Variants in PDZD2 observed in about 807,000 individuals in gnomAD.
PDZD2 encodes PDZ domain-containing protein 2.
PDZD2 carries 90 observed loss-of-function variants against 220.7 expected under a neutral mutation model. The observed-to-expected ratio is 0.41, with a 90% confidence interval of 0.34 to 0.49. The LOEUF (loss-of-function observed/expected upper bound fraction) is 0.49. Among genes scored for constraint, PDZD2 ranks in the 20% least tolerant of loss-of-function variants. The pLI, the probability that PDZD2 is intolerant of heterozygous loss-of-function variation, is 0.28. For synonymous variants in PDZD2, 1,375 were observed against 1,450.5 expected, an observed-to-expected ratio of 0.95 and a Z score of 1.18; for missense variants, 3,174 against 3,608.5, an observed-to-expected ratio of 0.88 and a Z score of 3.08.
intron 2 of PDZD2, among the ~76,000 whole-genome samples, chr5:31,814,514 G>T (rs772616525): frequency 6.6e-6 from 1 of 152,180 alleles, no homozygotes; most frequent in Non-Finnish European, 1.5e-5. Context: ...TTGGTTGAAA[G>T]AGTTATTATC....
At chr5:31,906,503 C>G (rs549302175) in intron 2 of PDZD2, among the ~76,000 whole-genome samples, 1 of 151,878 alleles carries the variant, frequency 6.6e-6, no homozygotes, top group South Asian at 2.1e-4. Context: ...AGCCACCATG[C>G]GCGGCCTTAG....
At chr5:31,746,799 C>T (rs1358472540) in intron 1 of PDZD2, among the ~76,000 whole-genome samples, 2 of 152,226 alleles carry the variant, frequency 1.3e-5, no homozygotes, top group Non-Finnish European at 2.9e-5. Flanking sequence ...TTTCCTTACC[C>T]ATCACTAGGT....
At chr5:32,093,689 C>G (rs573857804) in intron 21 of PDZD2, among the ~76,000 whole-genome samples, 45 of 152,194 alleles carry the variant, frequency 3.0e-4, no homozygotes, top group Admixed American at 7.9e-4. Flanking sequence ...TTAAGAAAAT[C>G]CTAAGAGGCC....
At position 32,073,697 on chromosome 5, in the gene PDZD2, G is replaced by C. The variant is rs1033725837; in HGVS notation, c.2726-135G>C. ...GGAAGCCATGTTGCCTAGGCCTTGT[G>C]TCCAGTGGCTGAGGCTGTGTGTCTG... On this transcript the variant is annotated intron_variant, in intron 17 of 24. Transcript: ENST00000438447. The C allele has an allele frequency of 1.2e-5, 8 of 695,508 alleles. No homozygotes were observed. The Admixed American group carries it at 1.6e-4, about 14-fold the overall frequency. The allele number at this position is 695,508 out of a possible 1,614,324, so 43.1% of individuals were successfully genotyped here.
intron 1 of PDZD2, among the ~76,000 whole-genome samples, chr5:31,798,379 G>A (rs964543751): frequency 2.6e-5 from 4 of 152,286 alleles, no homozygotes; most frequent in Admixed American, 2.0e-4. Flanking sequence ...GGACGGAGGC[G>A]GGATCTCTCC....
chr5:31,942,528 G>C (rs1034460212), intron 2 of PDZD2, among the ~76,000 whole-genome samples: 2 of 152,130 alleles, frequency 1.3e-5, no homozygotes, highest in African/African-American at 2.4e-5. Context: ...GGCATGCAGT[G>C]GTTCGATCCT....
intron 2 of PDZD2, among the ~76,000 whole-genome samples, chr5:31,888,127 GTT>G (rs1248181327): frequency 6.6e-6 from 1 of 151,898 alleles, no homozygotes; most frequent in Non-Finnish European, 1.5e-5. Flanking sequence ...TTCCTTTCTT[GTT>G]TTGTTTCCTT....
rs775189525 is a variant in PDZD2 at position 32,088,427 on chromosome 5, C to G, written c.4979C>G (p.Pro1660Arg). 5.6e-6 allele frequency: 9 copies of G among 1,614,002 alleles called. No homozygotes were observed. The South Asian group carries it at 9.9e-5, about 18-fold the overall frequency. The change falls in exon 20 of 25, where the codon CCA becomes CGA. Residue 1660 changes from proline (P) to arginine (R), a missense_variant. Around this residue, in one of 4 missense-constraint regions of PDZD2, gnomAD observed 1,861 missense variants for 2,001.0 expected, o/e 0.93. Transcript: ENST00000438447. The surrounding 1 kb of genome is among the most constrained non-coding windows in gnomAD (Gnocchi z 4.6). ...TTGCCAGGCTCATACACTTCAGGCC[C>G]AGACTCTTCCCAGCCATCATCACTC... is the stretch of plus-strand genomic sequence containing the variant. ...ACLPGSYTSG[P>R]DSSQPSSLLE...
intron 1 of PDZD2, among the ~76,000 whole-genome samples, chr5:31,751,486 A>G (rs1432037275): frequency 1.3e-5 from 2 of 152,176 alleles, no homozygotes; most frequent in African/African-American, 2.4e-5. Flanking sequence ...TTGAGGATGG[A>G]TAAGGTGGGG....
rs1751928126 is a variant in PDZD2 at position 31,765,201 on chromosome 5, C to G, written c.-360-33688C>G. 2.0e-5 allele frequency among the ~76,000 whole-genome samples: 3 copies of G among 152,206 alleles called. No individual in the cohort carries two copies. The South Asian group carries it at 6.2e-4, about 31-fold the overall frequency. On this transcript the variant is annotated intron_variant, in intron 1 of 24. Coordinates refer to ENST00000438447, the MANE Select transcript of PDZD2 (RefSeq NM_178140.4). ...CTAGTTATAACCCAGACCTCATCCA[C>G]TGCCACATCAGAGGACCACTGGCAT...
At chr5:31,926,047 C>A (rs985577160) in intron 2 of PDZD2, among the ~76,000 whole-genome samples, 1 of 151,876 alleles carries the variant, frequency 6.6e-6, no homozygotes, top group Non-Finnish European at 1.5e-5. Flanking sequence ...ATAGCAAGAC[C>A]CTGTCTCGAC....
intron 1 of PDZD2, among the ~76,000 whole-genome samples, chr5:31,701,111 G>A (rs536214975): frequency 6.6e-5 from 10 of 152,214 alleles, no homozygotes; most frequent in Non-Finnish European, 1.2e-4. Flanking sequence ...CAGACCCAGT[G>A]CTGAGCACAC....
intron 1 of PDZD2, among the ~76,000 whole-genome samples, chr5:31,665,428 G>A (rs1480891735): frequency 6.6e-6 from 1 of 152,150 alleles, no homozygotes; most frequent in Non-Finnish European, 1.5e-5. Context: ...TGGAGGCAAA[G>A]AAAGGCGATT....
intron 6 of PDZD2, among the ~76,000 whole-genome samples, chr5:32,028,528 T>A (rs771342852): frequency 3.9e-5 from 6 of 152,162 alleles, no homozygotes; most frequent in Non-Finnish European, 8.8e-5. Flanking sequence ...CCCTTGTAGG[T>A]CATAATCCAA....
chr5:31,653,430 G>A (rs985508019), intron 1 of PDZD2, among the ~76,000 whole-genome samples: 2 of 152,070 alleles, frequency 1.3e-5, no homozygotes, highest in South Asian at 2.1e-4. Context: ...TGGGTTATAC[G>A]TCAGGTCCTA....
chr5:32,067,375 A>T (rs866755006), intron 14 of PDZD2, among the ~76,000 whole-genome samples: 75 of 152,086 alleles, frequency 4.9e-4, no homozygotes, highest in African/African-American at 1.8e-3. Flanking sequence ...AACAGCAACC[A>T]CTCTTTAAGC....
At chr5:31,645,762 A>G (rs1745111326) in intron 1 of PDZD2, among the ~76,000 whole-genome samples, 1 of 152,088 alleles carries the variant, frequency 6.6e-6, no homozygotes, top group Non-Finnish European at 1.5e-5. Context: ...CTGCTTGGCT[A>G]AAAATAAAGG....
At position 31,639,542 on chromosome 5, in the gene PDZD2, T is replaced by G. The variant is rs189700; in HGVS notation, c.-361+105T>G. On this transcript the variant is annotated intron_variant, in intron 1 of 24. Coordinates refer to ENST00000438447, the MANE Select transcript of PDZD2 (RefSeq NM_178140.4). This position sits in a 1 kb window ranked among gnomAD's most constrained non-coding sequence, Gnocchi z 4.1. ...CCGTGTGTGCCCAGGAAAGTTTAGC[T>G]ACAAATCCGGGTGCGGGAATCCCAG... is the stretch of plus-strand genomic sequence containing the variant. 11,834 of 151,550 alleles carry G rather than the reference T, an allele frequency of 0.078. 749 individuals are homozygous for G. Among genetic ancestry groups the G allele is most frequent in the East Asian group, 0.27 (1,366 of 5,046 alleles). The allele number at this position is 151,550 out of a possible 1,614,324, so 9.4% of individuals were successfully genotyped here.
chr5:32,052,172 G>A (rs1381704376), intron 8 of PDZD2, among the ~76,000 whole-genome samples: 1 of 152,210 alleles, frequency 6.6e-6, no homozygotes. Flanking sequence ...TTGAGACGGA[G>A]TCTCACTCTG....
Sources: allele counts gnomAD v4.1 joint callset (sites outside exome capture counted in the v4.1 genomes callset), GRCh38; gene constraint gnomAD v4.1.1; regional missense constraint gnomAD v4.1.1; non-coding constraint Gnocchi (gnomAD v3.1); transcripts MANE v1.5; gene names NCBI Gene and HGNC (gene_info 2026-07-23, HGNC 2026-07-21).